ADGRL2: variants seen among roughly 807,000 people sequenced by gnomAD.
The protein encoded by ADGRL2 is calcium-independent alpha-latrotoxin receptor 2.
A neutral mutation model predicts 157.4 loss-of-function variants in ADGRL2; 44 were observed. That is an observed-to-expected ratio of 0.28 (90% CI 0.22 to 0.36). The LOEUF (loss-of-function observed/expected upper bound fraction) is 0.36, where lower values mean the gene tolerates loss of function less well. ADGRL2 is among the 10% of genes least tolerant of loss of function. ADGRL2 has a pLI of 1.00. For missense variants in ADGRL2, 1,510 were observed against 1,768.9 expected (o/e 0.85, Z 2.63); for synonymous variants, 585 against 624.7 (o/e 0.94, Z 0.95).
chr1:81,842,324 C>T (rs1557754228), intron 2 of ADGRL2, among the ~76,000 whole-genome samples: 1 of 131,146 alleles, frequency 7.6e-6, no homozygotes, highest in Non-Finnish European at 1.6e-5. Context: ...TTTTAGTCTT[C>T]AGAAAAGGAT....
chr1:81,616,727 A>G (rs1570648776), intron 3 of ADGRL2, among the ~76,000 whole-genome samples: 1 of 126,092 alleles, frequency 7.9e-6, no homozygotes, highest in African/African-American at 3.1e-5. Context: ...CCCTGGCTGG[A>G]GTGCAGTGGC....
At chr1:81,906,865 T>C (rs961076599) in intron 2 of ADGRL2, 152 bp from the exon 3 acceptor site, 15 of 610,724 alleles carry the variant, frequency 2.5e-5, no homozygotes, top group Middle Eastern at 4.4e-4. Flanking sequence ...TTCTGACATA[T>C]TGTAGAGAAC....
intron 1 of ADGRL2, among the ~76,000 whole-genome samples, chr1:81,372,679 A>G (rs760137522): frequency 2.0e-5 from 3 of 152,186 alleles, no homozygotes; most frequent in Admixed American, 6.5e-5. Context: ...TGTTTGTTTA[A>G]TAATTGACTT....
chr1:81,859,558 C>T (rs1356506163), intron 2 of ADGRL2, among the ~76,000 whole-genome samples: 1 of 151,800 alleles, frequency 6.6e-6, no homozygotes, highest in Non-Finnish European at 1.5e-5. Context: ...ATGTGTGCAC[C>T]ACCACGCTCG....
At chr1:81,722,542 C>T (rs2084367435) in intron 1 of ADGRL2, 2 of 1,539,414 alleles carry the variant, frequency 1.3e-6, no homozygotes, top group African/African-American at 1.4e-5. Context: ...TGATTCAGCT[C>T]AGCCTTACAA....
chr1:81,468,728 A>C (rs1376229258), intron 2 of ADGRL2, among the ~76,000 whole-genome samples: 1 of 152,206 alleles, frequency 6.6e-6, no homozygotes, highest in Non-Finnish European at 1.5e-5. Context: ...CTCAGCATTC[A>C]AGCTGGATTT....
chr1:81,831,998 T>A (rs1022687704), intron 1 of ADGRL2, among the ~76,000 whole-genome samples: 10 of 152,160 alleles, frequency 6.6e-5, no homozygotes, highest in Admixed American at 6.5e-4. Flanking sequence ...ATACTGATCT[T>A]GCTTTTTTGG....
chr1:81,925,280 T>C (rs2095077789), intron 3 of ADGRL2, among the ~76,000 whole-genome samples: 2 of 152,076 alleles, frequency 1.3e-5, no homozygotes, highest in South Asian at 2.1e-4. Context: ...TTAATTCAGT[T>C]CATATATTCA....
At chr1:81,692,058 G>T (rs1012515084) in intron 3 of ADGRL2, among the ~76,000 whole-genome samples, 2 of 150,928 alleles carry the variant, frequency 1.3e-5, no homozygotes, top group Non-Finnish European at 2.9e-5. Flanking sequence ...GCACAAATAA[G>T]CCATTTTCAT....
chr1:81,662,994 G>C (rs2148886917), intron 3 of ADGRL2, among the ~76,000 whole-genome samples: 1 of 152,132 alleles, frequency 6.6e-6, no homozygotes, highest in South Asian at 2.1e-4. Context: ...AACGCTAAAA[G>C]GCCTTACAAA....
At chr1:81,502,816 A>ACTGCTG in intron 2 of ADGRL2, 1 of 1,612,118 alleles carries the variant, frequency 6.2e-7, no homozygotes, top group Admixed American at 1.7e-5. Flanking sequence ...TGCTGCGGCT[A>ACTGCTG]CTGCTGCTGC....
intron 3 of ADGRL2, among the ~76,000 whole-genome samples, chr1:81,620,350 G>A (rs748074294): frequency 6.6e-6 from 1 of 152,182 alleles, no homozygotes; most frequent in Admixed American, 6.5e-5. Context: ...TGTACAACTA[G>A]CATATGAAGT....
At chr1:81,839,504 A>T (rs949149609) in intron 2 of ADGRL2, among the ~76,000 whole-genome samples, 1 of 151,774 alleles carries the variant, frequency 6.6e-6, no homozygotes, top group Non-Finnish European at 1.5e-5. Flanking sequence ...ACTGCACCAT[A>T]TATGTTGTCT....
At chr1:81,875,263 G>C (rs1287175547) in intron 2 of ADGRL2, among the ~76,000 whole-genome samples, 1 of 152,144 alleles carries the variant, frequency 6.6e-6, no homozygotes, top group Non-Finnish European at 1.5e-5. Flanking sequence ...GTGAACAACT[G>C]CTGGCCCACT....
intron 2 of ADGRL2, chr1:81,502,403 A>G (rs930488172): frequency 6.2e-7 from 1 of 1,614,124 alleles, no homozygotes; most frequent in South Asian, 1.1e-5. Flanking sequence ...AGATTTTGCC[A>G]AGCTGTATGA....
At chr1:81,955,351 T>C (rs1285270103) in intron 10 of ADGRL2, among the ~76,000 whole-genome samples, 2 of 152,166 alleles carry the variant, frequency 1.3e-5, no homozygotes, top group African/African-American at 4.8e-5. Context: ...TTTTTTTTAT[T>C]TCAAATGATT....
rs147506193 is a variant in ADGRL2 at position 81,916,468 on chromosome 1, T to G, written c.287+9238T>G. 8.2e-3 allele frequency among the ~76,000 whole-genome samples: 1,241 copies of G among 152,242 alleles called. 9 individuals carry two copies. The highest frequency in any genetic ancestry group is 0.013 in the Non-Finnish European group (912 of 67,990). On this transcript the variant is annotated intron_variant, in intron 3 of 23. Transcript: ENST00000686636. The stretch of plus-strand genomic sequence containing the variant: ...AAGTCAACTATTTTTGCTTGTAATT[T>G]GGCATTTTCTTCTGTTTTTTTTCTT...
chr1:81,966,032 C>A lies in ADGRL2; in HGVS notation c.2018-26C>A, dbSNP rs765391682. 6.2e-6 allele frequency: 10 copies of A among 1,606,826 alleles called. No homozygotes were observed. The Admixed American group carries it at 1.7e-4, about 27-fold the overall frequency. On this transcript the variant is annotated intron_variant, in intron 11 of 23. Transcript: ENST00000686636. Reference sequence around the variant, plus strand: ...CTCTTAAAGAATCCTTTTTTCCCCACCTCCTTTATCTTTTCCCTCATCCAG... The same window carrying A: ...CTCTTAAAGAATCCTTTTTTCCCCAACTCCTTTATCTTTTCCCTCATCCAG...
intron 1 of ADGRL2, among the ~76,000 whole-genome samples, chr1:81,718,000 T>C (rs1414559728): frequency 2.0e-5 from 3 of 152,200 alleles, no homozygotes; most frequent in Non-Finnish European, 4.4e-5. Flanking sequence ...TGGTTAATTA[T>C]AAAAGCACAC....
Sources: gnomAD v4.1 joint callset for allele counts (sites outside exome capture counted in the v4.1 genomes callset) on GRCh38, gnomAD v4.1.1 for gene constraint, MANE v1.5 for transcripts, NCBI Gene and HGNC (gene_info 2026-07-23, HGNC 2026-07-21) for gene names.